FAM171A1: variants seen among roughly 807,000 people sequenced by gnomAD.
FAM171A1 encodes the protein protein FAM171A1.
In FAM171A1, 23 loss-of-function variants were observed where a neutral mutation model predicts 74.9. That is an observed-to-expected ratio of 0.31 (90% CI 0.22 to 0.44). The LOEUF (loss-of-function observed/expected upper bound fraction) is 0.44, where lower values mean the gene tolerates loss of function less well. Ranked by LOEUF, FAM171A1 falls within the 20% of genes least tolerant of loss-of-function variation. The pLI is 1.00. For missense variants in FAM171A1, 1,162 were observed against 1,159.2 expected, an observed-to-expected ratio of 1.00 and a Z score of -0.03; for synonymous variants, 527 against 505.7, an observed-to-expected ratio of 1.04 and a Z score of -0.57.
At chr10:15,303,222 T>G (rs1410907159) in intron 1 of FAM171A1, among the ~76,000 whole-genome samples, 2 of 152,126 alleles carry the variant, frequency 1.3e-5, no homozygotes, top group Admixed American at 6.5e-5. Flanking sequence ...TCAATATTTA[T>G]GAAATTTATG....
intron 4 of FAM171A1, 49 bp from the exon 5 acceptor site, chr10:15,248,864 G>C: frequency 6.5e-7 from 1 of 1,541,184 alleles, no homozygotes; most frequent in Non-Finnish European, 8.8e-7. Context: ...GTACCCATGT[G>C]GGGCTGTGGA....
chr10:15,370,267 C>T (rs1289202718), intron 1 of FAM171A1, among the ~76,000 whole-genome samples: 2 of 130,466 alleles, frequency 1.5e-5, no homozygotes, highest in African/African-American at 5.9e-5. Context: ...TTTTGGTGAG[C>T]GATGAGGGCC....
chr10:15,283,672 A>C (rs1834997934), intron 2 of FAM171A1, among the ~76,000 whole-genome samples: 2 of 151,972 alleles, frequency 1.3e-5, no homozygotes, highest in Admixed American at 1.3e-4. Context: ...GCAGTCTCGA[A>C]CTCCCAGAAT....
At chr10:15,216,687 C>A (rs1365289566) in intron 6 of FAM171A1, among the ~76,000 whole-genome samples, 2 of 152,086 alleles carry the variant, frequency 1.3e-5, no homozygotes, top group Admixed American at 6.5e-5. Context: ...ACTGCCTCGG[C>A]CTACCAAAGT....
intron 1 of FAM171A1, among the ~76,000 whole-genome samples, chr10:15,315,928 C>T (rs1835416714): frequency 6.6e-6 from 1 of 152,018 alleles, no homozygotes; most frequent in African/African-American, 2.4e-5. Context: ...CATACACAAC[C>T]CCAGCTCCCA....
chr10:15,283,780 T>C, intron 2 of FAM171A1, 98 bp downstream of exon 2: 1 of 1,185,796 alleles, frequency 8.4e-7, no homozygotes, highest in South Asian at 1.4e-5. Flanking sequence ...AGATGCAGTC[T>C]CACTATGTTG....
At chr10:15,372,117 C>T (rs999532460), upstream of FAM171A1, among the ~76,000 whole-genome samples, 8 of 152,122 alleles carry the variant, frequency 5.3e-5, no homozygotes, top group African/African-American at 7.2e-5. Flanking sequence ...GGTAAACTGA[C>T]TTAGCAGGGT....
chr10:15,269,277 A>AT lies in FAM171A1; in HGVS notation c.418+6577dup, dbSNP rs552588090. Among the ~76,000 whole-genome samples, 635 of 150,466 alleles carry AT rather than the reference A, an allele frequency of 4.2e-3. 1 individual carries two copies. The highest frequency in any genetic ancestry group is 0.015 in the African/African-American group (604 of 40,886). On this transcript the variant is annotated intron_variant, in intron 3 of 7. Coordinates refer to ENST00000378116, the MANE Select transcript of FAM171A1 (RefSeq NM_001010924.2). ...TACAGGCGTGCAGTAGCATACACAG[A>AT]TTTTTTTTCATTTTTATTTTTAGTA...
In FAM171A1 at chr10:15,304,859, C is replaced by T. The variant is rs368286947; in HGVS notation, c.98-20754G>A. ...TCAAGCAATTCTCCTGCCTCAGCCT[C>T]CCAAGTAGCTGGGATTCCAGGCATG... On this transcript the variant is annotated intron_variant, in intron 1 of 7. Transcript: ENST00000378116. Among the ~76,000 whole-genome samples, 13 of 152,340 alleles carry T rather than the reference C, an allele frequency of 8.5e-5. No homozygotes were observed. The East Asian group carries it at 2.5e-3, about 29-fold the overall frequency.
chr10:15,354,461 A>G (rs1835911596), intron 1 of FAM171A1, among the ~76,000 whole-genome samples: 1 of 151,526 alleles, frequency 6.6e-6, no homozygotes, highest in Admixed American at 6.6e-5. Flanking sequence ...ACGCCACTAC[A>G]CTCCAGCCTG....
Position 15,290,185 on chromosome 10 carries a change from G to A in FAM171A1, c.98-6080C>T, listed in dbSNP as rs554310385. On this transcript the variant is annotated intron_variant, in intron 1 of 7. Coordinates refer to ENST00000378116, the MANE Select transcript of FAM171A1 (RefSeq NM_001010924.2). ...AGAGGTTGCAGTGAACCGAGACCACGCCATTGCACTCCAGCCTGGATGACA... is the reference window on the plus strand; with the variant it reads ...AGAGGTTGCAGTGAACCGAGACCACACCATTGCACTCCAGCCTGGATGACA... Among the ~76,000 whole-genome samples, 54 of 151,402 alleles carry A rather than the reference G, an allele frequency of 3.6e-4. No homozygotes were observed. In the South Asian group the frequency reaches 9.7e-3, roughly 27 times the overall value.
intron 5 of FAM171A1, among the ~76,000 whole-genome samples, chr10:15,224,321 G>A (rs191880474): frequency 3.3e-5 from 5 of 152,252 alleles, no homozygotes; most frequent in Admixed American, 2.6e-4. Flanking sequence ...CAGAGGCCCC[G>A]GGTGAACAGG....
intron 3 of FAM171A1, among the ~76,000 whole-genome samples, chr10:15,261,888 C>A (rs1834662093): frequency 6.6e-6 from 1 of 152,038 alleles, no homozygotes; most frequent in South Asian, 2.1e-4. Context: ...GAGGCTGAGG[C>A]AGGAGGAACG....
At chr10:15,335,725 G>A (rs142682657) in intron 1 of FAM171A1, among the ~76,000 whole-genome samples, 118 of 152,224 alleles carry the variant, frequency 7.8e-4, no homozygotes, top group Middle Eastern at 6.8e-3. Context: ...TTCTTTGTGC[G>A]TTAGGTTCAC....
chr10:15,315,400 C>T (rs758732479), intron 1 of FAM171A1, among the ~76,000 whole-genome samples: 4 of 152,192 alleles, frequency 2.6e-5, no homozygotes, highest in Non-Finnish European at 5.9e-5. Flanking sequence ...AGAACATTCA[C>T]ATCTGTGCAG....
chr10:15,349,183 G>A (rs4750628), intron 1 of FAM171A1, among the ~76,000 whole-genome samples: 66,983 of 152,000 alleles, frequency 0.44, 14,862 homozygotes, highest in Non-Finnish European at 0.49. Context: ...ATGTAATTAG[G>A]ACTACACAGA....
intron 3 of FAM171A1, among the ~76,000 whole-genome samples, chr10:15,270,653 G>A (rs918280349): frequency 3.3e-5 from 5 of 152,104 alleles, no homozygotes; most frequent in Non-Finnish European, 2.9e-5. Flanking sequence ...CACCTCATAC[G>A]GCTGGGTGCC....
chr10:15,289,532 G>A (rs986859946), intron 1 of FAM171A1, among the ~76,000 whole-genome samples: 32 of 152,050 alleles, frequency 2.1e-4, no homozygotes, highest in Non-Finnish European at 4.0e-4. Context: ...CCTATTTCCA[G>A]GCCTTCACCA....
intron 5 of FAM171A1, among the ~76,000 whole-genome samples, chr10:15,238,954 G>A (rs914994892): frequency 6.6e-6 from 1 of 151,400 alleles, no homozygotes; most frequent in African/African-American, 2.4e-5. Context: ...TCAAATACAG[G>A]ATCCGTAAAT....
Sources: gnomAD v4.1 joint callset for allele counts (sites outside exome capture counted in the v4.1 genomes callset) on GRCh38, gnomAD v4.1.1 for gene constraint, MANE v1.5 for transcripts, NCBI Gene and HGNC (gene_info 2026-07-23, HGNC 2026-07-21) for gene names.